UBASH3A: variants seen among roughly 807,000 people sequenced by gnomAD.
UBASH3A encodes ubiquitin associated and SH3 domain containing A.
A neutral mutation model predicts 73.5 loss-of-function variants in UBASH3A; 63 were observed. The observed-to-expected ratio is 0.86, with a 90% CI of 0.70 to 1.06. The LOEUF (loss-of-function observed/expected upper bound fraction) is 1.06. Among genes scored for constraint, UBASH3A ranks in the 50% least tolerant of loss-of-function variants. The probability of loss-of-function intolerance (pLI) is 0.00; values close to 1 mark genes in which losing one functional copy is unlikely to be tolerated. For synonymous variants in UBASH3A, 363 were observed against 351.1 expected, an observed-to-expected ratio of 1.03 and a Z score of -0.38; for missense variants, 860 against 859.0, an observed-to-expected ratio of 1.00 and a Z score of -0.02.
At chr21:42,431,906 T>C (rs73905659) in intron 8 of UBASH3A, among the ~76,000 whole-genome samples, 197 bp from the exon 9 acceptor site, 11,718 of 152,250 alleles carry the variant, frequency 0.077, 1,044 homozygotes, top group East Asian at 0.28. Flanking sequence ...AAATAAAACA[T>C]TGGAAGAAAT....
chr21:42,441,407 A>T (rs1199822211), intron 11 of UBASH3A, among the ~76,000 whole-genome samples: 1 of 128,344 alleles, frequency 7.8e-6, no homozygotes, highest in Non-Finnish European at 1.6e-5. Flanking sequence ...CTTGGGGGAG[A>T]TTTCGGGGGC....
chr21:42,445,595 C>T (rs960602609), intron 14 of UBASH3A, among the ~76,000 whole-genome samples: 6 of 152,248 alleles, frequency 3.9e-5, no homozygotes, highest in South Asian at 2.1e-4. Flanking sequence ...TCTCTAGCTA[C>T]GCCTGCCTCA....
At chr21:42,445,857 G>A (rs904509272) in intron 14 of UBASH3A, among the ~76,000 whole-genome samples, 1 of 152,034 alleles carries the variant, frequency 6.6e-6, no homozygotes, top group African/African-American at 2.4e-5. Context: ...AACCCCCCTG[G>A]GCCACACTGG....
At chr21:42,432,873 A>G (rs1167374137) in intron 9 of UBASH3A, among the ~76,000 whole-genome samples, 2 of 152,234 alleles carry the variant, frequency 1.3e-5, no homozygotes, top group African/African-American at 2.4e-5. Flanking sequence ...TAATATGGTC[A>G]CCTCTATAAA....
At chr21:42,411,568 CACAG>C (rs1017832563) in intron 3 of UBASH3A, among the ~76,000 whole-genome samples, 5 of 152,112 alleles carry the variant, frequency 3.3e-5, no homozygotes, top group Non-Finnish European at 7.4e-5. Flanking sequence ...CAGACACACA[CACAG>C]ACACACACAC....
intron 10 of UBASH3A, among the ~76,000 whole-genome samples, chr21:42,436,959 C>T (rs2053636406): frequency 6.6e-6 from 1 of 152,242 alleles, no homozygotes; most frequent in Admixed American, 6.5e-5. Flanking sequence ...AAGGTCTCTG[C>T]TGGGCTGAGT....
At chr21:42,412,438 G>A (rs983599431) in intron 3 of UBASH3A, among the ~76,000 whole-genome samples, 2 of 152,214 alleles carry the variant, frequency 1.3e-5, no homozygotes, top group African/African-American at 4.8e-5. Context: ...AATTCCCAGT[G>A]CAGGAGACGC....
At chr21:42,406,281 T>TC in intron 1 of UBASH3A, 27 bp from the exon 2 acceptor site, 1 of 1,609,840 alleles carries the variant, frequency 6.2e-7, no homozygotes, top group Non-Finnish European at 8.5e-7. Context: ...GCGACGTGAC[T>TC]TTGTGTCTGT....
intron 2 of UBASH3A, 54 bp downstream of exon 2, chr21:42,406,415 C>T (rs1294326754): frequency 1.4e-6 from 2 of 1,444,770 alleles, no homozygotes; most frequent in Non-Finnish European, 2.0e-6. Context: ...ATTCCCTGTG[C>T]CTAAGGACTC....
At position 42,442,456 on chromosome 21, in the gene UBASH3A, C is replaced by G; in HGVS notation, c.1491C>G (p.Leu497=). Residue 497 remains leucine, a synonymous_variant, in exon 12 of 15, where the codon CTC becomes CTG. Transcript: ENST00000319294. The part of the protein sequence containing the change: ...VQTAKLILEE[L]KLEKKIKIRV... ...CTTGTATTCTGTTGAATCCAGAACT[C>G]AAACTGGAGAAAAAAATCAAGATAC... 3 of 1,613,594 alleles carry G rather than the reference C, an allele frequency of 1.9e-6. No individual in the cohort carries two copies. Among genetic ancestry groups the G allele is most frequent in the Non-Finnish European group, 2.5e-6 (3 of 1,179,888 alleles).
intron 11 of UBASH3A, among the ~76,000 whole-genome samples, chr21:42,440,998 T>G (rs1365793658): frequency 6.6e-6 from 1 of 152,214 alleles, no homozygotes; most frequent in African/African-American, 2.4e-5. Flanking sequence ...AAAATGTCTT[T>G]TGCCAGCAAT....
rs538690409 is a variant in UBASH3A at position 42,426,622 on chromosome 21, A to G, written c.1047-75A>G. The G allele has an allele frequency of 7.7e-6, 12 of 1,566,328 alleles. No individual in the cohort carries two copies. The East Asian group carries it at 1.6e-4, about 21-fold the overall frequency. ...GTCCCGGACATTCTCAAGTACATAC[A>G]TGACCAGATGCTGGGTCTCCATGGC... On this transcript the variant is annotated intron_variant, in intron 7 of 14. Transcript: ENST00000319294.
chr21:42,430,881 T>TC (rs2053516436), intron 8 of UBASH3A, among the ~76,000 whole-genome samples: 1 of 152,042 alleles, frequency 6.6e-6, no homozygotes, highest in South Asian at 2.1e-4. Flanking sequence ...GCTGCAGGGT[T>TC]CCCCACCTCT....
intron 9 of UBASH3A, among the ~76,000 whole-genome samples, chr21:42,433,769 T>G (rs1466608781): frequency 6.6e-6 from 1 of 152,114 alleles, no homozygotes; most frequent in African/African-American, 2.4e-5. Context: ...AACTCCTATA[T>G]GGAAACTAAA....
Position 42,439,033 on chromosome 21 carries a change from G to A in UBASH3A, c.1486+1453G>A, listed in dbSNP as rs111396738. Among the ~76,000 whole-genome samples, 76 of 152,206 alleles carry A rather than the reference G, an allele frequency of 5.0e-4. 1 individual carries two copies. Among genetic ancestry groups the A allele is most frequent in the African/African-American group, 1.7e-3 (71 of 41,512 alleles). On this transcript the variant is annotated intron_variant, in intron 11 of 14. Coordinates refer to ENST00000319294, the MANE Select transcript of UBASH3A (RefSeq NM_018961.4). ...ATTCAATGCACACATGTGCATTGCCGGTTCCCATGTCCTCAGATCCCCTTC... is the reference window on the plus strand; with the variant it reads ...ATTCAATGCACACATGTGCATTGCCAGTTCCCATGTCCTCAGATCCCCTTC...
At chr21:42,428,219 G>A (rs1351099461) in intron 8 of UBASH3A, among the ~76,000 whole-genome samples, 1 of 152,178 alleles carries the variant, frequency 6.6e-6, no homozygotes, top group Non-Finnish European at 1.5e-5. Context: ...AACTTCTGCT[G>A]TGGAAGCTAA....
intron 7 of UBASH3A, among the ~76,000 whole-genome samples, chr21:42,419,299 T>C (rs915312686): frequency 6.6e-6 from 1 of 152,352 alleles, no homozygotes; most frequent in African/African-American, 2.4e-5. Flanking sequence ...CATCAGATAC[T>C]GGTTCTTTTT....
At chr21:42,427,935 C>T (rs981896758) in intron 8 of UBASH3A, among the ~76,000 whole-genome samples, 2 of 152,168 alleles carry the variant, frequency 1.3e-5, no homozygotes, top group African/African-American at 4.8e-5. Context: ...AAGTCCTAAC[C>T]CCCAGTCTCA....
intron 3 of UBASH3A, among the ~76,000 whole-genome samples, chr21:42,412,264 G>A (rs1032838591): frequency 5.3e-5 from 8 of 152,166 alleles, no homozygotes; most frequent in East Asian, 1.9e-4. Flanking sequence ...AGCACCTGTC[G>A]GGCTCCGTGG....
Sources: allele counts gnomAD v4.1 joint callset (sites outside exome capture counted in the v4.1 genomes callset), GRCh38; gene constraint gnomAD v4.1.1; transcripts MANE v1.5; gene names NCBI Gene and HGNC (gene_info 2026-07-23, HGNC 2026-07-21).